The following CEP63 variants were observed in gnomAD, a reference collection of about 807,000 sequenced individuals.
CEP63 encodes centrosomal protein of 63 kDa.
Under a neutral mutation model 89.1 loss-of-function variants are expected in CEP63, and 84 were observed. The ratio of observed to expected loss-of-function variants is 0.94; its 90% confidence interval spans 0.79 to 1.13. CEP63 has a LOEUF of 1.13. Among genes scored for constraint, CEP63 ranks in the 50% most tolerant of loss-of-function variants. The pLI, the probability that CEP63 is intolerant of heterozygous loss-of-function variation, is 0.00. For missense variants in CEP63, 838 were observed against 813.3 expected, an observed-to-expected ratio of 1.03 and a Z score of -0.37; for synonymous variants, 267 against 272.5, an observed-to-expected ratio of 0.98 and a Z score of 0.20.
the CEP63 span, among the ~76,000 whole-genome samples, chr3:134,763,533 T>G: frequency 1.5e-4 from 23 of 152,166 alleles, no homozygotes; most frequent in Non-Finnish European, 1.2e-4. Flanking sequence ...CTTATCTTGT[T>G]TAATTCCCCA....
chr3:134,540,005 T>G (rs1951675138), intron 6 of CEP63, among the ~76,000 whole-genome samples: 3 of 152,162 alleles, frequency 2.0e-5, no homozygotes. Flanking sequence ...AGGAAAAACC[T>G]ATATGCACTG....
chr3:134,643,283 A>AG, the CEP63 span: 1 of 1,606,892 alleles, frequency 6.2e-7, no homozygotes, highest in Non-Finnish European at 8.5e-7. Context: ...ACACCTCTGC[A>AG]GGGGAGGTCA....
chr3:134,594,643 A>T, the CEP63 span, among the ~76,000 whole-genome samples: 1 of 152,244 alleles, frequency 6.6e-6, no homozygotes, highest in Non-Finnish European at 1.5e-5. Flanking sequence ...ACTGCTGTGC[A>T]TATGCTTTCC....
rs187428652 is a variant in CEP63, at chr3:134,509,691, C to A, written c.222+2405C>A. On this transcript the variant is annotated intron_variant, in intron 3 of 14. Coordinates refer to ENST00000675561, the MANE Select transcript of CEP63 (RefSeq NM_001353108.3). ...GGAGAAGTAAAAAAACAGATCTGTT[C>A]CAAGACACACAGGACTATAAATTTA... Among the ~76,000 whole-genome samples the A allele has an allele frequency of 4.8e-3, 733 of 152,156 alleles. 7 individuals are homozygous for A. The highest frequency in any genetic ancestry group is 0.017 in the African/African-American group (702 of 41,492).
intron 10 of CEP63, among the ~76,000 whole-genome samples, chr3:134,584,474 T>A (rs528780322): frequency 6.6e-6 from 1 of 152,314 alleles, no homozygotes; most frequent in African/African-American, 2.4e-5. Flanking sequence ...TGTGATGGAT[T>A]ACATTTGTTG....
chr3:134,627,824 A>G, the CEP63 span: 2 of 1,610,962 alleles, frequency 1.2e-6, no homozygotes, highest in Admixed American at 3.3e-5. Context: ...TAAACCTACA[A>G]TATTCCAAAG....
At chr3:134,644,071 C>T in the CEP63 span, among the ~76,000 whole-genome samples, 10 of 152,106 alleles carry the variant, frequency 6.6e-5, no homozygotes, top group Admixed American at 2.0e-4. Context: ...GTGATTCACC[C>T]GCCTCAGCCT....
the CEP63 span, chr3:134,610,551 G>T: frequency 1.6e-6 from 1 of 613,342 alleles, no homozygotes. Flanking sequence ...CTTTTATCTC[G>T]GGGCACTGGG....
At chr3:134,749,417 G>C in the CEP63 span, among the ~76,000 whole-genome samples, 4 of 152,246 alleles carry the variant, frequency 2.6e-5, no homozygotes, top group African/African-American at 9.6e-5. Context: ...TTAGAAGGCT[G>C]TTGCTTGCTG....
intron 6 of CEP63, among the ~76,000 whole-genome samples, chr3:134,538,743 G>A (rs941249529): frequency 1.3e-5 from 2 of 151,208 alleles, no homozygotes; most frequent in African/African-American, 2.4e-5. Flanking sequence ...TCTAGTTGTA[G>A]CCTTCAGATT....
At chr3:134,707,734 C>CTT in the CEP63 span, among the ~76,000 whole-genome samples, 1 of 35,594 alleles carries the variant, frequency 2.8e-5, no homozygotes, top group Non-Finnish European at 5.5e-5. Flanking sequence ...CACTTTGATT[C>CTT]TTTTCTTTTT....
At chr3:134,604,202 TG>T in the CEP63 span, 2 of 1,612,772 alleles carry the variant, frequency 1.2e-6, no homozygotes, top group African/African-American at 2.7e-5. Context: ...GAGAACCAGC[TG>T]GGGCCCACGG....
the CEP63 span, among the ~76,000 whole-genome samples, chr3:134,632,011 T>C: frequency 6.6e-6 from 1 of 152,056 alleles, no homozygotes; most frequent in Admixed American, 6.5e-5. Context: ...GCTATGTTAA[T>C]ATCAGATCAG....
chr3:134,736,118 T>A, the CEP63 span, among the ~76,000 whole-genome samples: 1 of 152,130 alleles, frequency 6.6e-6, no homozygotes, highest in Non-Finnish European at 1.5e-5. Flanking sequence ...CTAAAATTAT[T>A]TATGAAATTC....
intron 1 of CEP63, among the ~76,000 whole-genome samples, chr3:134,494,458 C>G (rs1939026725): frequency 1.3e-5 from 2 of 152,122 alleles, no homozygotes; most frequent in Admixed American, 1.3e-4. Flanking sequence ...CCCGTTCCCT[C>G]TTTCTCTGCT....
Position 134,561,447 on chromosome 3 carries a change from ATCACAT to A in CEP63, c.2027_2032del (p.His676_Ile677del). On this transcript the variant is annotated inframe_deletion, in exon 15 of 15. Transcript: ENST00000675561. ...TTGGAAGAGGAGGAACTGAGGTCTC[ATCACAT>A]TCTAGAGCGCTTGGATGCCCATATT... 1 of 1,614,010 alleles carries A rather than the reference ATCACAT, an allele frequency of 6.2e-7. No individual in the cohort carries two copies. The highest frequency in any genetic ancestry group is 8.5e-7 in the Non-Finnish European group (1 of 1,179,922).
the CEP63 span, among the ~76,000 whole-genome samples, chr3:134,689,198 G>C: frequency 6.6e-6 from 1 of 151,268 alleles, no homozygotes; most frequent in African/African-American, 2.4e-5. Context: ...CTTTCTCTTC[G>C]GCTTATGATG....
intron 11 of CEP63, among the ~76,000 whole-genome samples, chr3:134,550,640 G>T (rs1954612244): frequency 1.3e-5 from 2 of 152,152 alleles, no homozygotes; most frequent in Non-Finnish European, 2.9e-5. Flanking sequence ...GTAGAAACAC[G>T]CTTGCTGTGG....
the CEP63 span, among the ~76,000 whole-genome samples, chr3:134,636,184 T>G: frequency 1.3e-5 from 2 of 152,230 alleles, no homozygotes; most frequent in African/African-American, 2.4e-5. Context: ...AATATGGATA[T>G]TTTAAAGGCT....
Sources: allele counts gnomAD v4.1 joint callset (sites outside exome capture counted in the v4.1 genomes callset), GRCh38; gene constraint gnomAD v4.1.1; transcripts MANE v1.5; gene names NCBI Gene and HGNC (gene_info 2026-07-23, HGNC 2026-07-21).